C7orf78: variants seen among roughly 807,000 people sequenced by gnomAD.
The protein encoded by C7orf78 is putative uncharacterized protein C7orf78.
chr7:12,535,716 T>TTG, the C7orf78 span, among the ~76,000 whole-genome samples: 1 of 152,192 alleles, frequency 6.6e-6, no homozygotes, highest in Admixed American at 6.5e-5. Flanking sequence ...AGCAAGTTAG[T>TTG]TACTTCCTAG....
the C7orf78 span, chr7:12,530,588 C>CT: frequency 6.6e-6 from 1 of 152,434 alleles, no homozygotes. Flanking sequence ...AGGGCCTGAA[C>CT]TTTTTTTTCA....
At chr7:12,487,123 A>T in the C7orf78 span, 1 of 152,004 alleles carries the variant, frequency 6.6e-6, no homozygotes, top group African/African-American at 2.4e-5. Context: ...AACAGAGATA[A>T]CTCTTTTTTC....
At chr7:12,497,418 G>C in the C7orf78 span, among the ~76,000 whole-genome samples, 1 of 152,238 alleles carries the variant, frequency 6.6e-6, no homozygotes, top group African/African-American at 2.4e-5. Context: ...CTCGGGAAGC[G>C]CAAGGGGTCA....
chr7:12,539,438 T>G, the C7orf78 span, among the ~76,000 whole-genome samples: 1 of 152,212 alleles, frequency 6.6e-6, no homozygotes, highest in African/African-American at 2.4e-5. Flanking sequence ...CACTCCAGCC[T>G]GGGTGACAGA....
At chr7:12,532,084 G>C in the C7orf78 span, among the ~76,000 whole-genome samples, 2 of 152,146 alleles carry the variant, frequency 1.3e-5, no homozygotes, top group African/African-American at 2.4e-5. Context: ...CATGTGGCTG[G>C]CAAAGGGAAG....
the C7orf78 span, among the ~76,000 whole-genome samples, chr7:12,519,519 A>G: frequency 2.0e-5 from 3 of 152,204 alleles, no homozygotes; most frequent in Non-Finnish European, 4.4e-5. Flanking sequence ...AGTGGCAACA[A>G]CTGCTATGGC....
At chr7:12,529,601 G>A in the C7orf78 span, among the ~76,000 whole-genome samples, 1 of 152,302 alleles carries the variant, frequency 6.6e-6, no homozygotes, top group South Asian at 2.1e-4. Context: ...ATACATTTTA[G>A]GGAGATAGAA....
chr7:12,525,136 G>A, the C7orf78 span, among the ~76,000 whole-genome samples: 1 of 151,804 alleles, frequency 6.6e-6, no homozygotes, highest in Non-Finnish European at 1.5e-5. Flanking sequence ...CTTGTGGCAG[G>A]TCACTCATTA....
At chr7:12,536,999 CT>C in the C7orf78 span, among the ~76,000 whole-genome samples, 1 of 152,166 alleles carries the variant, frequency 6.6e-6, no homozygotes, top group African/African-American at 2.4e-5. Context: ...ATTTTCCTCT[CT>C]TCTTCTGAGC....
chr7:12,520,588 A>G, the C7orf78 span, among the ~76,000 whole-genome samples: 3 of 152,162 alleles, frequency 2.0e-5, no homozygotes, highest in African/African-American at 7.2e-5. Flanking sequence ...GTCAGAAAAG[A>G]TACTTTCTAT....
At chr7:12,512,415 C>G in the C7orf78 span, among the ~76,000 whole-genome samples, 4 of 152,086 alleles carry the variant, frequency 2.6e-5, no homozygotes, top group African/African-American at 9.7e-5. Flanking sequence ...GGAATTTTAT[C>G]AAATTCTTTT....
chr7:12,512,904 T>C, the C7orf78 span, among the ~76,000 whole-genome samples: 1 of 152,166 alleles, frequency 6.6e-6, no homozygotes, highest in South Asian at 2.1e-4. Flanking sequence ...TTTTAGTCGG[T>C]TGTATGCCTC....
At chr7:12,493,311 GA>G in the C7orf78 span, among the ~76,000 whole-genome samples, 1 of 152,120 alleles carries the variant, frequency 6.6e-6, no homozygotes, top group African/African-American at 2.4e-5. Context: ...CTGGGATGAG[GA>G]AAAAAACTAA....
chr7:12,491,183 T>C, the C7orf78 span: 4 of 152,214 alleles, frequency 2.6e-5, no homozygotes, highest in Non-Finnish European at 4.4e-5. Flanking sequence ...TTTCTTATCA[T>C]TGTTAACTGT....
chr7:12,498,256 G>A, the C7orf78 span, among the ~76,000 whole-genome samples: 166 of 152,258 alleles, frequency 1.1e-3, 2 homozygotes, highest in East Asian at 0.025. Context: ...CGAGCTGAGA[G>A]AAGAAGGCTT....
the C7orf78 span, among the ~76,000 whole-genome samples, chr7:12,492,549 A>G: frequency 6.6e-6 from 1 of 152,208 alleles, no homozygotes; most frequent in East Asian, 1.9e-4. Flanking sequence ...GTTGGCATGC[A>G]TATGCATACA....
At chr7:12,538,338 G>T in the C7orf78 span, 1 of 152,112 alleles carries the variant, frequency 6.6e-6, no homozygotes, top group African/African-American at 2.4e-5. Flanking sequence ...AGAACGTTCT[G>T]TTGTTTCTCT....
the C7orf78 span, among the ~76,000 whole-genome samples, chr7:12,532,393 C>CA: frequency 1.1e-4 from 17 of 151,826 alleles, no homozygotes; most frequent in Non-Finnish European, 1.9e-4. Flanking sequence ...ACTGAAAATA[C>CA]AAAAAATTAG....
chr7:12,494,985 G>A, the C7orf78 span, among the ~76,000 whole-genome samples: 2 of 152,138 alleles, frequency 1.3e-5, no homozygotes, highest in Non-Finnish European at 2.9e-5. Context: ...AGTAAAGATG[G>A]TGCCCAGATA....
Sources: allele counts gnomAD v4.1 joint callset (sites outside exome capture counted in the v4.1 genomes callset), GRCh38; gene constraint gnomAD v4.1.1; transcripts MANE v1.5; gene names NCBI Gene and HGNC (gene_info 2026-07-23, HGNC 2026-07-21).